PREX2: variants seen among roughly 807,000 people sequenced by gnomAD.
PREX2 encodes the protein phosphatidylinositol 3,4,5-trisphosphate-dependent Rac exchanger 2 protein.
PREX2 carries 107 observed loss-of-function variants against 203.2 expected under a neutral mutation model. The ratio of observed to expected loss-of-function variants is 0.53; its 90% CI spans 0.45 to 0.62. The LOEUF is 0.62. PREX2 is among the 20% of genes least tolerant of loss of function. The pLI, the probability that PREX2 is intolerant of heterozygous loss-of-function variation, is 0.00. For synonymous variants in PREX2, 672 were observed against 663.6 expected (o/e 1.01, Z -0.19); for missense variants, 1,777 against 1,955.9 (o/e 0.91, Z 1.72).
At chr8:68,223,598 T>G (rs1341045517) in intron 38 of PREX2, among the ~76,000 whole-genome samples, 2 of 152,172 alleles carry the variant, frequency 1.3e-5, no homozygotes, top group Non-Finnish European at 2.9e-5. Flanking sequence ...GAGAGAGAGT[T>G]TCAGAGTTTT....
At chr8:67,972,589 T>C (rs1283878219) in intron 1 of PREX2, among the ~76,000 whole-genome samples, 1 of 152,206 alleles carries the variant, frequency 6.6e-6, no homozygotes, top group African/African-American at 2.4e-5. Flanking sequence ...GTCACCAGTT[T>C]TGAGCTCCCT....
intron 33 of PREX2, among the ~76,000 whole-genome samples, chr8:68,140,806 A>G (rs1169518731): frequency 6.6e-6 from 1 of 152,184 alleles, no homozygotes; most frequent in African/African-American, 2.4e-5. Context: ...AAGTATTTGA[A>G]TTCATCCTTC....
In PREX2 at chr8:68,038,143, A is replaced by G. The variant is rs201543845; in HGVS notation, c.706-16A>G. 6.2e-7 allele frequency: 1 copy of G among 1,609,506 alleles called. No individual in the cohort carries two copies. Among genetic ancestry groups the G allele is most frequent in the Non-Finnish European group, 8.5e-7 (1 of 1,177,634 alleles). On this transcript the variant is annotated splice_polypyrimidine_tract_variant and intron_variant, in intron 6 of 39. Coordinates refer to ENST00000288368, the MANE Select transcript of PREX2 (RefSeq NM_024870.4). Reference sequence around the variant, plus strand: ...AACCAAGTAAGCAGACATTAATTGCATTTCTCCTGACTTAGGGGTCCAACA... The same window carrying G: ...AACCAAGTAAGCAGACATTAATTGCGTTTCTCCTGACTTAGGGGTCCAACA...
chr8:68,038,094 A>G, intron 6 of PREX2, 65 bp from the exon 7 acceptor site: 1 of 1,528,196 alleles, frequency 6.5e-7, no homozygotes, highest in Non-Finnish European at 8.9e-7. Flanking sequence ...TGTAAGTCGA[A>G]AAATAATTAT....
intron 23 of PREX2, among the ~76,000 whole-genome samples, chr8:68,104,385 G>A (rs922066717): frequency 1.3e-5 from 2 of 152,070 alleles, no homozygotes; most frequent in African/African-American, 4.8e-5. Flanking sequence ...CCCTCTCACT[G>A]CCGCTCTGGT....
chr8:68,097,225 A>T, intron 22 of PREX2, 24 bp downstream of exon 22: 3 of 1,575,768 alleles, frequency 1.9e-6, no homozygotes, highest in Non-Finnish European at 2.6e-6. Context: ...TGAAGAAATA[A>T]GATTTTTTGT....
chr8:67,994,262 A>G (rs910891678), intron 1 of PREX2, among the ~76,000 whole-genome samples: 14 of 152,190 alleles, frequency 9.2e-5, no homozygotes, highest in African/African-American at 3.4e-4. Flanking sequence ...GCTGGCTGAG[A>G]TCACAGCTAA....
intron 1 of PREX2, among the ~76,000 whole-genome samples, chr8:67,970,197 ATC>A (rs1189800127): frequency 2.6e-5 from 4 of 152,162 alleles, no homozygotes; most frequent in Non-Finnish European, 4.4e-5. Flanking sequence ...GTTAATCTCG[ATC>A]TGTTAATCTA....
chr8:68,077,899 T>A (rs1200311386), intron 15 of PREX2, among the ~76,000 whole-genome samples: 1 of 152,164 alleles, frequency 6.6e-6, no homozygotes, highest in Non-Finnish European at 1.5e-5. Context: ...AAAATGTTTT[T>A]AAAATTACCT....
intron 35 of PREX2, among the ~76,000 whole-genome samples, chr8:68,172,283 C>T (rs79120814): frequency 0.013 from 1,954 of 152,270 alleles, 52 homozygotes; most frequent in African/African-American, 0.045. Flanking sequence ...GAAAGATCTA[C>T]CATTTACAAA....
At chr8:68,181,057 T>G (rs1425769205) in intron 35 of PREX2, among the ~76,000 whole-genome samples, 1 of 152,174 alleles carries the variant, frequency 6.6e-6, no homozygotes, top group Non-Finnish European at 1.5e-5. Context: ...TTTAAATTAT[T>G]TACTTTTGAT....
chr8:68,070,993 G>C (rs1809178240), intron 13 of PREX2, among the ~76,000 whole-genome samples: 1 of 152,080 alleles, frequency 6.6e-6, no homozygotes, highest in Admixed American at 6.5e-5. Flanking sequence ...TAAATATTTT[G>C]GATAACTTGA....
rs1003047945 is a variant in PREX2 at position 68,235,641 on chromosome 8, A to G, written c.*4263A>G. ...CTGCATGAAGCAGAACAGGTGGGGGAAAATTACAAGAGGGGTCTGTACCAA... is the reference window on the plus strand; with the variant it reads ...CTGCATGAAGCAGAACAGGTGGGGGGAAATTACAAGAGGGGTCTGTACCAA... On this transcript the variant is annotated 3_prime_UTR_variant, in exon 40 of 40. Coordinates refer to ENST00000288368, the MANE Select transcript of PREX2 (RefSeq NM_024870.4). 2.6e-5 allele frequency: 4 copies of G among 152,152 alleles called. No individual in the cohort carries two copies. Among genetic ancestry groups the G allele is most frequent in the Non-Finnish European group, 5.9e-5 (4 of 68,020 alleles). The allele number at this position is 152,152 out of a possible 1,614,324, so 9.4% of individuals were successfully genotyped here.
At chr8:68,077,615 C>A in intron 15 of PREX2, 146 bp downstream of exon 15, 1 of 668,078 alleles carries the variant, frequency 1.5e-6, no homozygotes, top group South Asian at 1.6e-5. Context: ...GGTTGGGTCA[C>A]CACAACTGCA....
At chr8:67,967,951 C>G (rs1805821249) in intron 1 of PREX2, among the ~76,000 whole-genome samples, 1 of 151,724 alleles carries the variant, frequency 6.6e-6, no homozygotes, top group Non-Finnish European at 1.5e-5. Flanking sequence ...GGAGGGATAG[C>G]ATTAGGAGAT....
intron 1 of PREX2, among the ~76,000 whole-genome samples, chr8:67,966,615 CA>C (rs568692720): frequency 4.6e-5 from 7 of 151,844 alleles, no homozygotes; most frequent in Non-Finnish European, 1.0e-4. Flanking sequence ...AAACAAACAA[CA>C]AAAAACAACA....
chr8:68,096,899 T>C, intron 21 of PREX2, 118 bp from the exon 22 acceptor site: 1 of 781,202 alleles, frequency 1.3e-6, no homozygotes, highest in East Asian at 2.6e-5. Context: ...ATTTAACACA[T>C]CAGATTTAAC....
chr8:67,965,289 T>G (rs1805735203), intron 1 of PREX2, among the ~76,000 whole-genome samples: 1 of 152,200 alleles, frequency 6.6e-6, no homozygotes, highest in Non-Finnish European at 1.5e-5. Context: ...ATGTTGGTAC[T>G]GATGCTATTT....
chr8:68,186,865 G>A (rs1218109351), intron 35 of PREX2, among the ~76,000 whole-genome samples: 1 of 151,976 alleles, frequency 6.6e-6, no homozygotes, highest in African/African-American at 2.4e-5. Context: ...ACTTGATGTG[G>A]GCTACATTTT....
Sources: gnomAD v4.1 joint callset for allele counts (sites outside exome capture counted in the v4.1 genomes callset) on GRCh38, gnomAD v4.1.1 for gene constraint, MANE v1.5 for transcripts, NCBI Gene and HGNC (gene_info 2026-07-23, HGNC 2026-07-21) for gene names.